TENM1: variants seen among roughly 807,000 people sequenced by gnomAD.
TENM1 encodes teneurin-1.
TENM1 carries 35 observed loss-of-function variants against 174.8 expected under a neutral mutation model. The observed-to-expected ratio is 0.20, with a 90% CI of 0.15 to 0.27. The LOEUF (loss-of-function observed/expected upper bound fraction) is 0.27. TENM1 is among the 10% of genes least tolerant of loss of function. The probability of loss-of-function intolerance (pLI) is 1.00; values close to 1 mark genes in which losing one functional copy is unlikely to be tolerated. For synonymous variants in TENM1, 781 were observed against 798.7 expected (o/e 0.98, Z 0.37); for missense variants, 1,633 against 2,130.1 (o/e 0.77, Z 4.59).
intron 25 of TENM1, among the ~76,000 whole-genome samples, chrX:124,408,235 G>A (rs1260596004): frequency 1.5e-4 from 17 of 110,468 alleles, no homozygotes; most frequent in Admixed American, 1.5e-3. Context: ...TCCACCTCCC[G>A]GGTTCAAGCA....
At chrX:125,039,246 G>C in the TENM1 span, among the ~76,000 whole-genome samples, 1 of 111,614 alleles carries the variant, frequency 9.0e-6, no homozygotes, top group Non-Finnish European at 1.9e-5. Context: ...ATCAGATAAG[G>C]TTTTTGTCTT....
chrX:124,666,497 C>CTTGTTTGTTTGTT (rs2051768138), intron 6 of TENM1, among the ~76,000 whole-genome samples: 1 of 111,456 alleles, frequency 9.0e-6, no homozygotes, highest in Non-Finnish European at 1.9e-5. Context: ...GCAAAAAAAC[C>CTTGTTTGTTTGTT]GTAACAATGA....
At chrX:124,382,243 TTTTC>T (rs1398769802) in intron 31 of TENM1, among the ~76,000 whole-genome samples, 2 of 111,789 alleles carry the variant, frequency 1.8e-5, no homozygotes, top group Admixed American at 9.5e-5. Context: ...TTTATGTATT[TTTTC>T]TTTATCAGAA....
the TENM1 span, among the ~76,000 whole-genome samples, chrX:124,994,047 T>C: frequency 2.7e-5 from 3 of 110,352 alleles, no homozygotes; most frequent in Admixed American, 2.9e-4. Flanking sequence ...AGCTTTTCCA[T>C]GGGTGGGTCA....
At position 124,881,420 on chromosome X, in the gene TENM1, CT is replaced by C. The variant is rs113458116; in HGVS notation, c.535+12875del. Among the ~76,000 whole-genome samples the C allele has an allele frequency of 4.5e-3, 491 of 108,876 alleles. 3 individuals carry two copies. The highest frequency in any genetic ancestry group is 0.015 in the African/African-American group (459 of 30,024). 94.5% of individuals were successfully genotyped at this position (108,876 alleles called of 115,157 possible). ...GGTTTTATTTACTTGGGTCTACTCT[CT>C]TTTTTTTTGGTTAATGGTTTATTGA... On this transcript the variant is annotated intron_variant, in intron 3 of 31. Coordinates refer to ENST00000422452, the Ensembl canonical transcript of TENM1.
chrX:124,747,909 C>T (rs763680441), intron 3 of TENM1, among the ~76,000 whole-genome samples: 44 of 111,213 alleles, frequency 4.0e-4, no homozygotes, highest in African/African-American at 1.4e-3. Context: ...ATAGCAAACA[C>T]GTACCACAAA....
At chrX:124,481,705 A>ATATATATATC in intron 22 of TENM1, 27 bp downstream of exon 25, 2 of 368,779 alleles carry the variant, frequency 5.4e-6, no homozygotes, top group East Asian at 4.8e-5. Flanking sequence ...GTATATATAT[A>ATATATATATC]TATATATTTA....
chrX:125,139,644 CACA>C, the TENM1 span, among the ~76,000 whole-genome samples: 1 of 110,967 alleles, frequency 9.0e-6, no homozygotes, highest in Admixed American at 9.7e-5. Context: ...GCTGCTATAT[CACA>C]ACATGATACA....
intron 20 of TENM1, among the ~76,000 whole-genome samples, chrX:124,489,780 A>G (rs898481851): frequency 2.7e-5 from 3 of 111,333 alleles, no homozygotes. Flanking sequence ...GCAGCCCTTT[A>G]CTTGTTCTTC....
intron 18 of TENM1, among the ~76,000 whole-genome samples, chrX:124,508,304 C>T (rs1240006553): frequency 8.9e-6 from 1 of 112,480 alleles, no homozygotes; most frequent in African/African-American, 3.2e-5. Context: ...TCCTAGCTTA[C>T]TAAGAGTGTC....
the TENM1 span, among the ~76,000 whole-genome samples, chrX:125,080,753 T>C: frequency 1.8e-5 from 2 of 110,844 alleles, no homozygotes; most frequent in Non-Finnish European, 3.8e-5. Context: ...TAATATCTTC[T>C]ATTCTGTATC....
the TENM1 span, among the ~76,000 whole-genome samples, chrX:125,175,441 G>T: frequency 5.4e-5 from 6 of 111,431 alleles, no homozygotes; most frequent in African/African-American, 1.6e-4. Flanking sequence ...TTAAATAAGT[G>T]ATATTATGAC....
chrX:124,697,188 T>G (rs1190766719), intron 5 of TENM1, among the ~76,000 whole-genome samples: 1 of 111,550 alleles, frequency 9.0e-6, no homozygotes, highest in Non-Finnish European at 1.9e-5. Context: ...GACTAAGCAA[T>G]TACCCTGGAA....
chrX:124,918,938 A>G (rs1450896159), intron 1 of TENM1, among the ~76,000 whole-genome samples: 1 of 112,181 alleles, frequency 8.9e-6, no homozygotes, highest in African/African-American at 3.2e-5. Flanking sequence ...CACTCCAGCC[A>G]CATCTATGCT....
chrX:124,384,091 G>A lies in TENM1; in HGVS notation c.6840C>T (p.Asp2280=), dbSNP rs777999844. The A allele has an allele frequency of 5.0e-5, 61 of 1,210,142 alleles. No homozygotes were observed. In the South Asian group the frequency reaches 9.7e-4, roughly 19 times the overall value. ...GAGTAACTCTTATGGGGTTGGTAAGGTCTGCATAAAAGAACTGAAGGTGCT... is the reference window on the plus strand; with the variant it reads ...GAGTAACTCTTATGGGGTTGGTAAGATCTGCATAAAAGAACTGAAGGTGCT... Residue 2280 remains aspartate (D), a synonymous_variant, in exon 30 of 32, where the codon GAC becomes GAT. Transcript: ENST00000422452.
chrX:124,631,848 C>G (rs2148349420), intron 11 of TENM1, among the ~76,000 whole-genome samples: 1 of 94,921 alleles, frequency 1.1e-5, no homozygotes, highest in South Asian at 5.6e-4. Context: ...GAGATCAAGC[C>G]ATTGCACTCC....
At chrX:124,386,499 C>T (rs982192403) in intron 28 of TENM1, among the ~76,000 whole-genome samples, 2 of 110,559 alleles carry the variant, frequency 1.8e-5, no homozygotes, top group Admixed American at 9.6e-5. Context: ...GAGAGCACAG[C>T]CTTGTGAGGG....
chrX:125,089,073 T>C, the TENM1 span, among the ~76,000 whole-genome samples: 1 of 111,319 alleles, frequency 9.0e-6, no homozygotes, highest in African/African-American at 3.3e-5. Flanking sequence ...CATAGAGGTT[T>C]GTCTCAGAAA....
At chrX:124,824,334 C>T (rs1017348657) in intron 3 of TENM1, among the ~76,000 whole-genome samples, 1 of 111,882 alleles carries the variant, frequency 8.9e-6, no homozygotes, top group African/African-American at 3.2e-5. Context: ...GTAAATGAAG[C>T]AAATGTCATG....
Sources: allele counts gnomAD v4.1 joint callset (sites outside exome capture counted in the v4.1 genomes callset), GRCh38; gene constraint gnomAD v4.1.1; transcripts MANE v1.5; gene names NCBI Gene and HGNC (gene_info 2026-07-23, HGNC 2026-07-21).